CTNNA3: variants seen among roughly 807,000 people sequenced by gnomAD.
CTNNA3 encodes the protein catenin alpha 3.
A neutral mutation model predicts 95.7 loss-of-function variants in CTNNA3; 76 were observed. The observed-to-expected ratio is 0.79, with a 90% CI of 0.66 to 0.96. The LOEUF is 0.96. CTNNA3 is among the 40% of genes least tolerant of loss of function. CTNNA3 has a pLI of 0.00. For synonymous variants in CTNNA3, 431 were observed against 374.4 expected, an observed-to-expected ratio of 1.15 and a Z score of -1.74; for missense variants, 1,191 against 1,089.8, an observed-to-expected ratio of 1.09 and a Z score of -1.31.
intron 7 of CTNNA3, among the ~76,000 whole-genome samples, chr10:67,054,415 T>G (rs937113487): frequency 6.6e-6 from 1 of 152,150 alleles, no homozygotes; most frequent in Non-Finnish European, 1.5e-5. Flanking sequence ...GATCACACCA[T>G]TGATCCACCA....
chr10:66,828,422 T>C (rs1197620596), intron 7 of CTNNA3, among the ~76,000 whole-genome samples: 5 of 152,238 alleles, frequency 3.3e-5, no homozygotes, highest in Admixed American at 6.5e-5. Flanking sequence ...CCATGGTAAC[T>C]ATTACCACAA....
intron 13 of CTNNA3, among the ~76,000 whole-genome samples, chr10:66,203,962 C>T (rs986844176): frequency 6.6e-6 from 1 of 152,044 alleles, no homozygotes; most frequent in African/African-American, 2.4e-5. Context: ...ACTACTCTAT[C>T]TTCAGCATCT....
At chr10:66,187,788 T>A (rs562911692) in intron 13 of CTNNA3, among the ~76,000 whole-genome samples, 1 of 151,654 alleles carries the variant, frequency 6.6e-6, no homozygotes, top group African/African-American at 2.4e-5. Context: ...AAACCAATCA[T>A]AGGAAAAGGA....
chr10:66,905,134 A>G (rs1845929244), intron 7 of CTNNA3, among the ~76,000 whole-genome samples: 1 of 152,216 alleles, frequency 6.6e-6, no homozygotes, highest in Admixed American at 6.5e-5. Context: ...ATGTCCATCA[A>G]TAATAGATTG....
At chr10:66,821,081 T>A (rs1224640133) in intron 7 of CTNNA3, among the ~76,000 whole-genome samples, 1 of 152,126 alleles carries the variant, frequency 6.6e-6, no homozygotes, top group Non-Finnish European at 1.5e-5. Flanking sequence ...TGAAGCAAAT[T>A]TAAACCTGTG....
intron 3 of CTNNA3, among the ~76,000 whole-genome samples, chr10:67,563,333 C>A (rs561316331): frequency 6.6e-6 from 1 of 152,186 alleles, no homozygotes; most frequent in East Asian, 1.9e-4. Context: ...AGAAATAATA[C>A]CACACACATC....
At chr10:67,244,899 ATTC>A (rs1298781742) in intron 5 of CTNNA3, among the ~76,000 whole-genome samples, 4 of 152,166 alleles carry the variant, frequency 2.6e-5, no homozygotes, top group Admixed American at 6.5e-5. Context: ...GTTAACAGCA[ATTC>A]TTCTAATTGC....
At chr10:67,262,683 C>G (rs544805350) in intron 5 of CTNNA3, among the ~76,000 whole-genome samples, 1 of 152,212 alleles carries the variant, frequency 6.6e-6, no homozygotes, top group South Asian at 2.1e-4. Context: ...GTCCGTGGAT[C>G]TTTGGCGGGG....
intron 15 of CTNNA3, among the ~76,000 whole-genome samples, chr10:66,028,373 A>G (rs895812816): frequency 1.8e-4 from 28 of 152,224 alleles, no homozygotes; most frequent in Non-Finnish European, 2.9e-5. Flanking sequence ...AGACTGGATT[A>G]AGAAAATGTG....
intron 13 of CTNNA3, among the ~76,000 whole-genome samples, chr10:66,197,980 G>A (rs1196166597): frequency 6.6e-6 from 1 of 152,098 alleles, no homozygotes; most frequent in African/African-American, 2.4e-5. Context: ...TCATTAGTAA[G>A]TGACTCATTT....
At chr10:66,941,205 C>T (rs1847976837) in intron 7 of CTNNA3, among the ~76,000 whole-genome samples, 1 of 152,172 alleles carries the variant, frequency 6.6e-6, no homozygotes, top group Admixed American at 6.5e-5. Context: ...TTTCTTAGAG[C>T]CTGCAGCTGA....
At chr10:66,265,924 T>C (rs1341714111) in intron 13 of CTNNA3, among the ~76,000 whole-genome samples, 1 of 151,906 alleles carries the variant, frequency 6.6e-6, no homozygotes, top group African/African-American at 2.4e-5. Flanking sequence ...TCTATCTCCA[T>C]ATGGCTAAGT....
At chr10:66,780,130 T>A (rs1443198059) in intron 7 of CTNNA3, among the ~76,000 whole-genome samples, 1 of 152,074 alleles carries the variant, frequency 6.6e-6, no homozygotes, top group Admixed American at 6.6e-5. Context: ...AGTAAAAGTG[T>A]TAGGAGAGGC....
Position 66,994,775 on chromosome 10 carries a change from A to C in CTNNA3, c.1047+185542T>G, listed in dbSNP as rs553149908. 3.3e-5 allele frequency among the ~76,000 whole-genome samples: 5 copies of C among 152,320 alleles called. No homozygotes were observed. The South Asian group carries it at 1.0e-3, about 32-fold the overall frequency. ...ATAGAATACAGCTGCAGGGCTTTGT[A>C]TATCTAATAATTATTGTGAAGAAGT... On this transcript the variant is annotated intron_variant, in intron 7 of 17. Coordinates refer to ENST00000433211, the MANE Select transcript of CTNNA3 (RefSeq NM_013266.4).
intron 5 of CTNNA3, among the ~76,000 whole-genome samples, chr10:67,331,878 A>C (rs1841808804): frequency 6.6e-6 from 1 of 152,088 alleles, no homozygotes; most frequent in Non-Finnish European, 1.5e-5. Context: ...TTTCATCTTT[A>C]CTCCTGAATC....
intron 13 of CTNNA3, among the ~76,000 whole-genome samples, chr10:66,235,745 T>G (rs1341494607): frequency 6.6e-6 from 1 of 150,584 alleles, no homozygotes; most frequent in Non-Finnish European, 1.5e-5. Context: ...AATACCCAGA[T>G]AGTTATGATA....
chr10:66,421,834 CAAAAA>C (rs35845509), intron 11 of CTNNA3, among the ~76,000 whole-genome samples: 2,422 of 81,430 alleles, frequency 0.03, 71 homozygotes, highest in African/African-American at 0.097. Context: ...GACTCTGTCT[CAAAAA>C]AAAAAAAAAA....
chr10:66,690,914 G>A (rs2132535619), intron 9 of CTNNA3, among the ~76,000 whole-genome samples: 1 of 152,280 alleles, frequency 6.6e-6, no homozygotes, highest in Non-Finnish European at 1.5e-5. Flanking sequence ...TTCCACAATG[G>A]TTGAACTAGT....
intron 7 of CTNNA3, among the ~76,000 whole-genome samples, chr10:67,104,168 T>C (rs1482466703): frequency 6.6e-6 from 1 of 151,766 alleles, no homozygotes; most frequent in Non-Finnish European, 1.5e-5. Flanking sequence ...AAAAACTATA[T>C]GGATGAATGG....
Sources: allele counts gnomAD v4.1 joint callset (sites outside exome capture counted in the v4.1 genomes callset), GRCh38; gene constraint gnomAD v4.1.1; transcripts MANE v1.5; gene names NCBI Gene and HGNC (gene_info 2026-07-23, HGNC 2026-07-21).